The following USP30 variants were observed in gnomAD, a reference collection of about 807,000 sequenced individuals.
The protein encoded by USP30 is ubiquitin carboxyl-terminal hydrolase 30.
A neutral mutation model predicts 68.2 loss-of-function variants in USP30; 41 were observed. The ratio of observed to expected loss-of-function variants is 0.60; its 90% CI spans 0.47 to 0.78. The LOEUF is 0.78. Among genes scored for constraint, USP30 ranks in the 30% least tolerant of loss-of-function variants. USP30 has a pLI of 0.00. For synonymous variants in USP30, 229 were observed against 253.7 expected, an observed-to-expected ratio of 0.90 and a Z score of 0.93; for missense variants, 522 against 649.4, an observed-to-expected ratio of 0.80 and a Z score of 2.13.
chr12:109,085,579 C>G, intron 12 of USP30, 88 bp from the exon 13 acceptor site: 1 of 1,488,974 alleles, frequency 6.7e-7, no homozygotes, highest in South Asian at 1.2e-5. Context: ...GTATTCATCC[C>G]CTATTTAACA....
intron 3 of USP30, among the ~76,000 whole-genome samples, chr12:109,064,947 T>G (rs923398078): frequency 1.3e-5 from 2 of 152,138 alleles, no homozygotes; most frequent in Admixed American, 1.3e-4. Flanking sequence ...CCCTGCTCCC[T>G]TTGTCCTGGG....
intron 3 of USP30, among the ~76,000 whole-genome samples, chr12:109,061,366 T>C (rs573019620): frequency 8.7e-4 from 132 of 151,118 alleles, no homozygotes; most frequent in African/African-American, 3.1e-3. Context: ...TCTCTGCTTC[T>C]GCTTTCCAAT....
chr12:109,064,736 A>T (rs1340445619), intron 3 of USP30, among the ~76,000 whole-genome samples: 2 of 152,320 alleles, frequency 1.3e-5, no homozygotes, highest in East Asian at 3.9e-4. Context: ...CTAGGAAAAA[A>T]ATTGCTGGAT....
intron 4 of USP30, among the ~76,000 whole-genome samples, chr12:109,069,899 CA>C (rs1428751273): frequency 6.6e-6 from 1 of 152,078 alleles, no homozygotes; most frequent in Non-Finnish European, 1.5e-5. Flanking sequence ...GCATTCCAGA[CA>C]GATGAAGAAG....
At chr12:109,030,513 C>G (rs2040473192) in intron 3 of USP30, among the ~76,000 whole-genome samples, 1 of 152,138 alleles carries the variant, frequency 6.6e-6, no homozygotes, top group African/African-American at 2.4e-5. Flanking sequence ...TTCTGGAGAT[C>G]TAACGTACAG....
chr12:109,025,468 C>T (rs912565002), intron 2 of USP30, among the ~76,000 whole-genome samples: 4 of 152,006 alleles, frequency 2.6e-5, no homozygotes, highest in Non-Finnish European at 5.9e-5. Context: ...ATCTTTTCTA[C>T]TACCTTAAAA....
rs1327965963 is a variant in USP30, at chr12:109,087,098, A to G, written c.*1167A>G. On this transcript the variant is annotated 3_prime_UTR_variant, in exon 13 of 13. Transcript: ENST00000257548. ...TATTCATTTCCAATAGCCTAATACAAAAAGTATATATTGAGCACTTTCTTC... is the reference window on the plus strand; with the variant it reads ...TATTCATTTCCAATAGCCTAATACAGAAAGTATATATTGAGCACTTTCTTC... 1.3e-5 allele frequency: 2 copies of G among 152,154 alleles called. No homozygotes were observed. The highest frequency in any genetic ancestry group is 4.8e-5 in the African/African-American group (2 of 41,444). The allele number at this position is 152,154 out of a possible 1,614,324, so 9.4% of individuals were successfully genotyped here.
At chr12:109,069,585 G>A (rs944069101) in intron 4 of USP30, among the ~76,000 whole-genome samples, 7 of 152,344 alleles carry the variant, frequency 4.6e-5, no homozygotes, top group African/African-American at 1.2e-4. Flanking sequence ...GGGGACTGTC[G>A]AGGGCAATGG....
rs188908647 is a variant in USP30 at position 109,066,710 on chromosome 12, A to G, written c.377-814A>G. ...AAAAAAAAAGAAAAGTACACTACTC[A>G]AAAGACCCTTTAGGCTGCTGCATAT... is the stretch of plus-strand genomic sequence containing the variant. On this transcript the variant is annotated intron_variant, in intron 3 of 12. Transcript: ENST00000257548. 8.5e-5 allele frequency among the ~76,000 whole-genome samples: 13 copies of G among 152,220 alleles called. No individual in the cohort carries two copies. The East Asian group carries it at 2.5e-3, about 29-fold the overall frequency.
chr12:109,078,700 A>G (rs1255751113), intron 7 of USP30, among the ~76,000 whole-genome samples: 2 of 152,030 alleles, frequency 1.3e-5, no homozygotes, highest in Non-Finnish European at 2.9e-5. Flanking sequence ...ATCAAAATCC[A>G]TTTGATGTTT....
At chr12:109,051,249 C>CTTT (rs138942249), upstream of USP30, among the ~76,000 whole-genome samples, 351 of 63,480 alleles carry the variant, frequency 5.5e-3, no homozygotes, top group East Asian at 8.3e-3. Flanking sequence ...TTACCTCTTG[C>CTTT]TTTTTTTTTT....
chr12:109,054,005 AG>A, intron 1 of USP30: 1 of 455,880 alleles, frequency 2.2e-6, no homozygotes, highest in African/African-American at 2.0e-5. Flanking sequence ...TGAAAGTGAT[AG>A]TAGAACCTGC....
intron 3 of USP30, among the ~76,000 whole-genome samples, chr12:109,067,254 C>T (rs35180726): frequency 0.013 from 1,896 of 150,574 alleles, 19 homozygotes; most frequent in African/African-American, 0.021. Context: ...CCTGGGACTA[C>T]AGGCACCCAC....
chr12:109,043,593 C>T (rs1259751038), intron 3 of USP30, among the ~76,000 whole-genome samples: 1 of 152,024 alleles, frequency 6.6e-6, no homozygotes, highest in African/African-American at 2.4e-5. Flanking sequence ...GGGTAAATAC[C>T]AAAATGCAAG....
chr12:109,071,840 CA>C lies in USP30; in HGVS notation c.579+131del, dbSNP rs762905623. ...TAAAAATCAGTGGTGGGAATGAGGC[CA>C]GGGGAGGGTCTTAAAACTACATGCT... On this transcript the variant is annotated intron_variant, in intron 5 of 12. Transcript: ENST00000257548. The C allele has an allele frequency of 3.6e-4, 300 of 827,640 alleles. 3 individuals carry two copies. The highest frequency in any genetic ancestry group is 3.1e-3 in the Middle Eastern group (9 of 2,948). The allele number at this position is 827,640 out of a possible 1,614,324, so 51.3% of individuals were successfully genotyped here.
intron 3 of USP30, among the ~76,000 whole-genome samples, chr12:109,037,290 A>G (rs1215841995): frequency 1.3e-5 from 2 of 152,132 alleles, no homozygotes; most frequent in African/African-American, 4.8e-5. Flanking sequence ...CTATCTCTTT[A>G]TTAATATTCT....
intron 3 of USP30, among the ~76,000 whole-genome samples, chr12:109,066,295 T>G (rs554556525): frequency 6.6e-6 from 1 of 150,708 alleles, no homozygotes; most frequent in Non-Finnish European, 1.5e-5. Flanking sequence ...TTTTCTGGAC[T>G]TTTACAGAAA....
At chr12:109,038,924 C>A (rs1019823753) in intron 3 of USP30, among the ~76,000 whole-genome samples, 1 of 152,142 alleles carries the variant, frequency 6.6e-6, no homozygotes, top group Admixed American at 6.6e-5. Context: ...TGTGAAGTAT[C>A]TGTCCAGATA....
chr12:109,055,400 A>ATATATATATATATATTTTTTTTTTTT (rs1298811530), intron 1 of USP30, among the ~76,000 whole-genome samples: 1 of 24,468 alleles, frequency 4.1e-5, no homozygotes, highest in African/African-American at 1.1e-4. Context: ...ATATATATAT[A>ATATATATATATATATTTTTTTTTTTT]TTTTTTTTTT....
Sources: gnomAD v4.1 joint callset for allele counts (sites outside exome capture counted in the v4.1 genomes callset) on GRCh38, gnomAD v4.1.1 for gene constraint, MANE v1.5 for transcripts, NCBI Gene and HGNC (gene_info 2026-07-23, HGNC 2026-07-21) for gene names.